Variants in KCNK17 observed in about 807,000 individuals in gnomAD.
KCNK17 encodes the protein potassium two pore domain channel subfamily K member 17, also known as potassium channel subfamily K member 17.
Under a neutral mutation model 24.6 loss-of-function variants are expected in KCNK17, and 27 were observed. The ratio of observed to expected loss-of-function variants is 1.10; its 90% CI spans 0.81 to 1.51. KCNK17 has a LOEUF of 1.51. Ranked by LOEUF, KCNK17 falls within the 40% of genes most tolerant of loss-of-function variation. The probability of loss-of-function intolerance (pLI) is 0.00; values close to 1 mark genes in which losing one functional copy is unlikely to be tolerated. For missense variants in KCNK17, 450 were observed against 436.6 expected (o/e 1.03, Z -0.27); for synonymous variants, 181 against 189.8 (o/e 0.95, Z 0.38).
intron 2 of KCNK17, among the ~76,000 whole-genome samples, chr6:39,310,622 AT>A (rs1413976427): frequency 6.6e-6 from 1 of 152,122 alleles, no homozygotes; most frequent in Non-Finnish European, 1.5e-5. Context: ...CTGAAAGGCC[AT>A]GTGGGGCAGA....
chr6:39,303,579 G>A (rs1428867269), intron 4 of KCNK17, among the ~76,000 whole-genome samples: 2 of 152,172 alleles, frequency 1.3e-5, no homozygotes, highest in East Asian at 3.9e-4. Flanking sequence ...CCTACTGTCT[G>A]ATCCCCGGGT....
At chr6:39,312,202 A>C (rs1762152037) in intron 1 of KCNK17, among the ~76,000 whole-genome samples, 1 of 152,120 alleles carries the variant, frequency 6.6e-6, no homozygotes, top group Non-Finnish European at 1.5e-5. Context: ...CAGACAATCG[A>C]GATTTAGGAC....
chr6:39,302,143 C>G (rs1172784049), intron 4 of KCNK17, among the ~76,000 whole-genome samples: 10 of 152,172 alleles, frequency 6.6e-5, no homozygotes, highest in Non-Finnish European at 1.5e-4. Context: ...ACTGCCATGA[C>G]TGCAGAGGGG....
intron 4 of KCNK17, chr6:39,300,437 T>A: frequency 2.0e-6 from 3 of 1,519,142 alleles, no homozygotes; most frequent in Non-Finnish European, 2.7e-6. Flanking sequence ...AATCTGTATT[T>A]TAACAAGCCC....
At chr6:39,303,276 G>A (rs773925169) in intron 4 of KCNK17, among the ~76,000 whole-genome samples, 5 of 152,276 alleles carry the variant, frequency 3.3e-5, no homozygotes, top group Admixed American at 6.5e-5. Flanking sequence ...TGGTGCCAGC[G>A]GCACCTTCAG....
Position 39,314,136 on chromosome 6 carries a change from A to C in KCNK17, c.185T>G (p.Leu62Arg). 6.3e-7 allele frequency: 1 copy of C among 1,595,346 alleles called. No homozygotes were observed. The highest frequency in any genetic ancestry group is 2.3e-5 in the East Asian group (1 of 44,388). ...SRSFQRDKWE[L>R]LQNFTCLDRP... ...GTCCAGACACGTGAAGTTCTGCAACAGCTCCCACTTGTCGCGCTGGAAGCT... is the reference window on the plus strand; with the variant it reads ...GTCCAGACACGTGAAGTTCTGCAACCGCTCCCACTTGTCGCGCTGGAAGCT... Residue 62 changes from leucine (L) to arginine (R), a missense_variant, in exon 1 of 5, where the codon CTG (leucine) becomes CGG (arginine). Transcript: ENST00000373231.
chr6:39,304,108 C>A lies in KCNK17; in HGVS notation c.537G>T (p.Leu179=). The A allele has an allele frequency of 6.2e-7, 1 of 1,610,242 alleles. No homozygotes were observed. The highest frequency in any genetic ancestry group is 8.5e-7 in the Non-Finnish European group (1 of 1,179,948). The change falls in exon 4 of 5, where the codon CTG becomes CTT. Residue 179 remains leucine (L), a synonymous_variant. Transcript: ENST00000373231. ...CCGAGAGGAGGGCGCCAGAGCCCGC[C>A]AGCCACCGCGCCTTGTCAGGATCCT... ...TWQDPDKARW[L]AGSGALLSGL...
At chr6:39,311,354 C>T (rs1444391178) in intron 1 of KCNK17, among the ~76,000 whole-genome samples, 3 of 152,142 alleles carry the variant, frequency 2.0e-5, no homozygotes, top group Non-Finnish European at 4.4e-5. Context: ...CTAGGCCAGG[C>T]GTGATGTGTG....
At chr6:39,300,527 G>A (rs1439307478) in intron 4 of KCNK17, 1 of 1,550,958 alleles carries the variant, frequency 6.4e-7, no homozygotes, top group Non-Finnish European at 8.7e-7. Context: ...CAGCTTGCTG[G>A]AGCCAGGGGA....
intron 2 of KCNK17, among the ~76,000 whole-genome samples, chr6:39,305,369 C>T (rs115475157): frequency 0.01 from 1,538 of 152,260 alleles, 29 homozygotes; most frequent in African/African-American, 0.035. Context: ...TCTTGCGCAT[C>T]TAATTCTGTC....
At chr6:39,302,834 C>A (rs9471058) in intron 4 of KCNK17, among the ~76,000 whole-genome samples, 29,468 of 152,042 alleles carry the variant, frequency 0.19, 3,635 homozygotes, top group East Asian at 0.38. Flanking sequence ...GAGGGAGATC[C>A]AGAAGGGGGC....
intron 1 of KCNK17, 138 bp from the exon 2 acceptor site, chr6:39,311,145 A>C (rs1409609651): frequency 1.7e-6 from 1 of 573,826 alleles, no homozygotes; most frequent in Non-Finnish European, 3.1e-6. Flanking sequence ...CACAGCCCTC[A>C]CAATTACTCT....
chr6:39,301,616 C>T (rs888505570), intron 4 of KCNK17, among the ~76,000 whole-genome samples: 4 of 152,370 alleles, frequency 2.6e-5, no homozygotes, highest in East Asian at 1.9e-4. Context: ...CGCTCTTCTC[C>T]GTTTTTATTT....
At chr6:39,311,121 A>AC (rs1562084401) in intron 1 of KCNK17, 114 bp from the exon 2 acceptor site, 9 of 494,920 alleles carry the variant, frequency 1.8e-5, no homozygotes, top group African/African-American at 1.0e-4. Context: ...CACACACACA[A>AC]ACAAACCTAC....
At position 39,304,611 on chromosome 6, in the gene KCNK17, A is replaced by C. The variant is rs763886840; in HGVS notation, c.397T>G (p.Cys133Gly). The change falls in exon 3 of 5, where the codon TGC (cysteine) becomes GGC (glycine). Residue 133 changes from cysteine (C) to glycine (G), a missense_variant. By Grantham distance (159) the Cys-to-Gly change is radical. Transcript: ENST00000373231. Reference sequence around the variant, plus strand: ...ATCCCCACAAGGGCAAAGAAGATGCAGAAGAGGCGGGCAGCCATCGTGTTG... The same window carrying C: ...ATCCCCACAAGGGCAAAGAAGATGCCGAAGAGGCGGGCAGCCATCGTGTTG... ...SPNTMAARLFCIFFALVGIPL... is the reference protein window; with the variant it reads ...SPNTMAARLFGIFFALVGIPL... 37 of 1,613,800 alleles carry C rather than the reference A, an allele frequency of 2.3e-5. No individual in the cohort carries two copies. Among genetic ancestry groups the C allele is most frequent in the Non-Finnish European group, 3.0e-5 (35 of 1,179,800 alleles).
At chr6:39,305,219 C>T (rs558707194) in intron 2 of KCNK17, among the ~76,000 whole-genome samples, 17 of 152,368 alleles carry the variant, frequency 1.1e-4, no homozygotes, top group South Asian at 4.1e-4. Context: ...AGCTGCAATG[C>T]AGAGAGCAGC....
At chr6:39,307,983 T>C (rs749110479) in intron 2 of KCNK17, among the ~76,000 whole-genome samples, 4 of 152,198 alleles carry the variant, frequency 2.6e-5, no homozygotes, top group Non-Finnish European at 5.9e-5. Context: ...TCCATTATTT[T>C]ACTCATGTCT....
intron 4 of KCNK17, chr6:39,300,632 G>A (rs1356372836): frequency 1.1e-5 from 12 of 1,124,132 alleles, no homozygotes; most frequent in African/African-American, 1.6e-5. Flanking sequence ...TGGGGAATAC[G>A]ACTGCGCCCC....
At chr6:39,308,265 C>T (rs1409691856) in intron 2 of KCNK17, among the ~76,000 whole-genome samples, 1 of 152,192 alleles carries the variant, frequency 6.6e-6, no homozygotes, top group East Asian at 1.9e-4. Flanking sequence ...TGTGTACATA[C>T]ACACACCAAG....
Sources: gnomAD v4.1 joint callset for allele counts (sites outside exome capture counted in the v4.1 genomes callset) on GRCh38, gnomAD v4.1.1 for gene constraint, MANE v1.5 for transcripts, NCBI Gene and HGNC (gene_info 2026-07-23, HGNC 2026-07-21) for gene names.